MYO1C: variants seen among roughly 807,000 people sequenced by gnomAD.
MYO1C encodes unconventional myosin-Ic.
In MYO1C, 104 loss-of-function variants were observed where a neutral mutation model predicts 150.8. The observed-to-expected ratio is 0.69, with a 90% confidence interval of 0.59 to 0.81. The LOEUF is 0.81. Ranked by LOEUF, MYO1C falls within the 30% of genes least tolerant of loss-of-function variation. The pLI is 0.00. For synonymous variants in MYO1C, 663 were observed against 579.9 expected (o/e 1.14, Z -2.06); for missense variants, 1,504 against 1,435.0 (o/e 1.05, Z -0.78).
chr17:1,486,942 T>A (rs1044844107), intron 1 of MYO1C: 1 of 152,500 alleles, frequency 6.6e-6, no homozygotes, highest in South Asian at 2.1e-4. Context: ...CTCCCTCGCC[T>A]GGGGCGAACC....
At position 1,478,504 on chromosome 17, in the gene MYO1C, A is replaced by G. The variant is rs1241945270; in HGVS notation, c.1213-12T>C. On this transcript the variant is annotated splice_polypyrimidine_tract_variant and intron_variant, in intron 10 of 31. Coordinates refer to ENST00000648651, the MANE Select transcript of MYO1C (RefSeq NM_001080779.2). The surrounding 1 kb of genome is among the most constrained non-coding windows in gnomAD (Gnocchi z 6.3). Reference sequence around the variant, plus strand: ...GGGCTCTCCACGTCCTAGGGCAGTCATTCAACCGAAGGCGTGGGCCCCCTG... The same window carrying G: ...GGGCTCTCCACGTCCTAGGGCAGTCGTTCAACCGAAGGCGTGGGCCCCCTG... 1.9e-6 allele frequency: 3 copies of G among 1,614,038 alleles called. No individual in the cohort carries two copies. Among genetic ancestry groups the G allele is most frequent in the Admixed American group, 3.3e-5 (2 of 60,026 alleles).
intron 2 of MYO1C, 58 bp downstream of exon 2, chr17:1,484,090 T>G: frequency 6.4e-7 from 1 of 1,568,754 alleles, no homozygotes; most frequent in Non-Finnish European, 8.7e-7. Context: ...CTCTTTCCCC[T>G]CCGCTTGCCT....
At chr17:1,484,510 G>T in intron 1 of MYO1C, 1 of 638,880 alleles carries the variant, frequency 1.6e-6, no homozygotes, top group Non-Finnish European at 2.8e-6. Context: ...TGGAGGGCCC[G>T]GGTCCCAGTG....
At chr17:1,475,855 G>T (rs575559256) in intron 14 of MYO1C, among the ~76,000 whole-genome samples, 5 of 152,298 alleles carry the variant, frequency 3.3e-5, no homozygotes, top group African/African-American at 1.2e-4. Flanking sequence ...GAGTATCTGT[G>T]GGTCAGAACC....
rs2074442631 is a variant in MYO1C at position 1,478,331 on chromosome 17, G to A, written c.1295+79C>T. The A allele has an allele frequency of 2.0e-5, 31 of 1,587,712 alleles. No homozygotes were observed. The South Asian group carries it at 3.4e-4, about 18-fold the overall frequency. Reference sequence around the variant, plus strand: ...CGGCTGGCTGGGGAGTCACAGGGCAGGAATGAGAGGCTGGAGGACAGAAGA... The same window carrying A: ...CGGCTGGCTGGGGAGTCACAGGGCAAGAATGAGAGGCTGGAGGACAGAAGA... On this transcript the variant is annotated intron_variant, in intron 11 of 31. Coordinates refer to ENST00000648651, the MANE Select transcript of MYO1C (RefSeq NM_001080779.2). This position sits in a 1 kb window ranked among gnomAD's most constrained non-coding sequence, Gnocchi z 6.3.
In MYO1C at chr17:1,479,767, C is replaced by A; in HGVS notation, c.907-62G>T. The A allele has an allele frequency of 8.3e-7, 1 of 1,202,342 alleles. No homozygotes were observed. The highest frequency in any genetic ancestry group is 1.2e-6 in the Non-Finnish European group (1 of 829,156). The allele number at this position is 1,202,342 out of a possible 1,614,324, so 74.5% of individuals were successfully genotyped here. A position where few individuals can be genotyped will look rare whatever the true frequency, so the allele number is the denominator to read the frequency against. On this transcript the variant is annotated intron_variant, in intron 7 of 31. Transcript: ENST00000648651. This position sits in a 1 kb window ranked among gnomAD's most constrained non-coding sequence, Gnocchi z 4.2. The stretch of plus-strand genomic sequence containing the variant: ...GGGCCAGAGAGCCCCAAGAGGGCAA[C>A]TAGCAGATGGCCATGCAGGGGTGGG...
rs1263509884 is a variant in MYO1C at position 1,470,155 on chromosome 17, G to C, written c.2526+20C>G. The C allele has an allele frequency of 1.2e-6, 2 of 1,601,614 alleles. No homozygotes were observed. The highest frequency in any genetic ancestry group is 2.7e-5 in the African/African-American group (2 of 74,642). On this transcript the variant is annotated intron_variant, in intron 24 of 31. Transcript: ENST00000648651. The stretch of plus-strand genomic sequence containing the variant: ...TGTGTACTATGATGGTCCCTAACTT[G>C]GCAGGGGGTGCCCACAGACCTCACG...
In MYO1C at chr17:1,474,631, A is replaced by T. The variant is rs1481649767; in HGVS notation, c.1776T>A (p.Ser592Arg). 6.2e-7 allele frequency: 1 copy of T among 1,613,720 alleles called. No individual in the cohort carries two copies. The highest frequency in any genetic ancestry group is 1.3e-5 in the African/African-American group (1 of 74,860). ...TCACCGTCTCTGGCCGCTTCTTGTC[A>T]CTGAGCTCGCTCCGGTCAAAGCACT... ...MSQCFDRSELSDKKRPETVAT... is the reference protein window; with the variant it reads ...MSQCFDRSELRDKKRPETVAT... The change falls in exon 17 of 32, where the codon AGT becomes AGA. Residue 592 changes from serine to arginine, a missense_variant. Coordinates refer to ENST00000648651, the MANE Select transcript of MYO1C (RefSeq NM_001080779.2).
At chr17:1,466,423 C>T (rs554941165) in intron 31 of MYO1C, among the ~76,000 whole-genome samples, 4 of 152,102 alleles carry the variant, frequency 2.6e-5, no homozygotes, top group Admixed American at 6.5e-5. Flanking sequence ...CTCCACCTCC[C>T]GGGTTTAAGC....
chr17:1,491,608 C>G, intron 1 of MYO1C: 1 of 981,084 alleles, frequency 1.0e-6, no homozygotes, highest in Non-Finnish European at 1.2e-6. Context: ...ACCGGCGTGG[C>G]TCTTCCGGCG....
chr17:1,486,629 T>C (rs551531618), intron 1 of MYO1C, among the ~76,000 whole-genome samples: 3 of 152,144 alleles, frequency 2.0e-5, no homozygotes, highest in South Asian at 4.2e-4. Flanking sequence ...GATTTTCCTG[T>C]CTCAGCCTCC....
chr17:1,484,357 C>A (rs1598346223), intron 1 of MYO1C, 54 bp from the exon 2 acceptor site: 2 of 1,594,440 alleles, frequency 1.3e-6, no homozygotes, highest in East Asian at 4.5e-5. Flanking sequence ...CGGGGCAAGG[C>A]CACTTCCCTG....
At chr17:1,469,380 A>AAATAGAGTAGACCG in intron 25 of MYO1C, 151 bp downstream of exon 25, 1 of 593,340 alleles carries the variant, frequency 1.7e-6, no homozygotes, top group Non-Finnish European at 3.0e-6. Flanking sequence ...AGAGTAGACC[A>AAATAGAGTAGACCG]GGGTAAATAC....
At chr17:1,480,681 C>A (rs2074502012) in intron 6 of MYO1C, 25 bp downstream of exon 6, 1 of 1,613,890 alleles carries the variant, frequency 6.2e-7, no homozygotes, top group South Asian at 1.1e-5. Context: ...CTGGGTGGCA[C>A]CTGCCCTCCC....
chr17:1,478,505 T>A lies in MYO1C; in HGVS notation c.1213-13A>T. 2 of 1,614,090 alleles carry A rather than the reference T, an allele frequency of 1.2e-6. No individual in the cohort carries two copies. The highest frequency in any genetic ancestry group is 1.7e-6 in the Non-Finnish European group (2 of 1,180,006). ...GGCTCTCCACGTCCTAGGGCAGTCA[T>A]TCAACCGAAGGCGTGGGCCCCCTGC... On this transcript the variant is annotated splice_polypyrimidine_tract_variant and intron_variant, in intron 10 of 31. Transcript: ENST00000648651. The surrounding 1 kb of genome is among the most constrained non-coding windows in gnomAD (Gnocchi z 6.3).
In MYO1C at chr17:1,474,796, C is replaced by CCCCCCCCA; in HGVS notation, c.1716+15_1716+16insTGGGGGGG. On this transcript the variant is annotated intron_variant, in intron 16 of 31. Coordinates refer to ENST00000648651, the MANE Select transcript of MYO1C (RefSeq NM_001080779.2). ...CTATCCCCACCCCCACCCCGGCCTCCCCACGTCCTCCTCACCTCCTTAAGG... is the reference window on the plus strand; with the variant it reads ...CTATCCCCACCCCCACCCCGGCCTCCCCCCCCCACCACGTCCTCCTCACCTCCTTAAGG... The CCCCCCCCA allele has an allele frequency of 6.2e-7, 1 of 1,613,768 alleles. No individual in the cohort carries two copies. Among genetic ancestry groups the CCCCCCCCA allele is most frequent in the Non-Finnish European group, 8.5e-7 (1 of 1,179,710 alleles).
rs2074151165 is a variant in MYO1C at position 1,465,482 on chromosome 17, G to C, written c.*244C>G. 7.6e-6 allele frequency: 3 copies of C among 396,244 alleles called. No homozygotes were observed. 24.5% of individuals were successfully genotyped at this position (396,244 alleles called of 1,614,324 possible). A position where few individuals can be genotyped will look rare whatever the true frequency, so the allele number is the denominator to read the frequency against. On this transcript the variant is annotated 3_prime_UTR_variant, in exon 32 of 32. Coordinates refer to ENST00000648651, the MANE Select transcript of MYO1C (RefSeq NM_001080779.2). The stretch of plus-strand genomic sequence containing the variant: ...CTCAAATATTTGGCATCGGCAGTAG[G>C]GCTGGCATGGCTCGCTCTGGCCCTG...
At chr17:1,472,060 CG>C in intron 18 of MYO1C, 36 bp from the exon 19 acceptor site, 1 of 1,608,944 alleles carries the variant, frequency 6.2e-7, no homozygotes, top group East Asian at 2.2e-5. Flanking sequence ...AGCGGGCTGG[CG>C]CTGACGGCCT....
At position 1,478,713 on chromosome 17, in the gene MYO1C, T is replaced by C. The variant is rs1365886139; in HGVS notation, c.1115A>G (p.Glu372Gly). The change falls in exon 10 of 32, where the codon GAG (glutamate) becomes GGG (glycine). Residue 372 changes from glutamate (E) to glycine (G), a missense_variant. By Grantham distance (98) the Glu-to-Gly change is moderately conservative. Coordinates refer to ENST00000648651, the MANE Select transcript of MYO1C (RefSeq NM_001080779.2). This position sits in a 1 kb window ranked among gnomAD's most constrained non-coding sequence, Gnocchi z 6.3. ...GGCGTCTCGTGCGTACGCGGCCTGC[T>C]CCAGGTTCAGCGGGCTCAGGAGCTG... is the stretch of plus-strand genomic sequence containing the variant. ...GEELLSPLNL[E>G]QAAYARDALA... 1.2e-6 allele frequency: 2 copies of C among 1,614,128 alleles called. No individual in the cohort carries two copies. Among genetic ancestry groups the C allele is most frequent in the Admixed American group, 3.3e-5 (2 of 60,030 alleles).
Sources: allele counts gnomAD v4.1 joint callset (sites outside exome capture counted in the v4.1 genomes callset), GRCh38; gene constraint gnomAD v4.1.1; non-coding constraint Gnocchi (gnomAD v3.1); transcripts MANE v1.5; gene names NCBI Gene and HGNC (gene_info 2026-07-23, HGNC 2026-07-21).